MSI1: variants seen among roughly 807,000 people sequenced by gnomAD.
The protein encoded by MSI1 is RNA-binding protein Musashi homolog 1.
Under a neutral mutation model 54.4 loss-of-function variants are expected in MSI1, and 15 were observed. The observed-to-expected ratio is 0.28, with a 90% CI of 0.18 to 0.42. The LOEUF (loss-of-function observed/expected upper bound fraction) is 0.42, where lower values mean the gene tolerates loss of function less well. Ranked by LOEUF, MSI1 falls within the 20% of genes least tolerant of loss-of-function variation. The pLI, the probability that MSI1 is intolerant of heterozygous loss-of-function variation, is 1.00. For missense variants in MSI1, 304 were observed against 506.0 expected (o/e 0.60, Z 3.83); for synonymous variants, 200 against 196.5 (o/e 1.02, Z -0.15).
At chr12:120,354,415 G>T (rs1436002142) in intron 9 of MSI1, among the ~76,000 whole-genome samples, 3 of 147,684 alleles carry the variant, frequency 2.0e-5, no homozygotes, top group African/African-American at 7.5e-5. Context: ...CTCACTATTT[G>T]TTAGATAATT....
intron 7 of MSI1, among the ~76,000 whole-genome samples, chr12:120,358,625 G>T (rs1290866459): frequency 1.3e-5 from 2 of 152,194 alleles, no homozygotes; most frequent in Non-Finnish European, 2.9e-5. Context: ...CGGGGCTGGG[G>T]GCTGGGGGCT....
In MSI1 at chr12:120,368,320, T is replaced by TCC. The variant is rs761498886; in HGVS notation, c.101-49_101-48dup. ...CGGACCAGCCCGGGCCCCGCGCCCT[T>TCC]CCCCCCCCCCCGTCCTTTGCCCCCG... On this transcript the variant is annotated intron_variant, in intron 2 of 14. Transcript: ENST00000257552. This position sits in a 1 kb window ranked among gnomAD's most constrained non-coding sequence, Gnocchi z 6.6. The TCC allele has an allele frequency of 2.8e-5, 35 of 1,249,278 alleles. No individual in the cohort carries two copies. The highest frequency in any genetic ancestry group is 1.5e-4 in the East Asian group (5 of 32,532). The allele number at this position is 1,249,278 out of a possible 1,614,324, so 77.4% of individuals were successfully genotyped here. A position where few individuals can be genotyped will look rare whatever the true frequency, so the allele number is the denominator to read the frequency against.
intron 5 of MSI1, among the ~76,000 whole-genome samples, chr12:120,364,413 C>A (rs1488090672): frequency 6.6e-6 from 1 of 152,120 alleles, no homozygotes; most frequent in Admixed American, 6.6e-5. Context: ...TGGAATTAGA[C>A]TCAGGCTCCA....
intron 8 of MSI1, 137 bp from the exon 9 acceptor site, chr12:120,357,156 G>A: frequency 9.1e-6 from 7 of 767,392 alleles, no homozygotes; most frequent in South Asian, 6.6e-5. Context: ...CACTGATGGA[G>A]CACTCACTAT....
intron 4 of MSI1, among the ~76,000 whole-genome samples, chr12:120,367,616 C>T (rs1412998726): frequency 1.3e-5 from 2 of 151,974 alleles, no homozygotes; most frequent in Non-Finnish European, 2.9e-5. Flanking sequence ...GTCGCAGAGC[C>T]AAATACTAGT....
Position 120,346,266 on chromosome 12 carries a change from C to A in MSI1, c.916G>T (p.Gly306Cys). The A allele has an allele frequency of 6.3e-7, 1 of 1,591,786 alleles. No individual in the cohort carries two copies. The highest frequency in any genetic ancestry group is 1.1e-5 in the South Asian group (1 of 87,456). Residue 306 changes from glycine to cysteine, a missense_variant, in exon 13 of 15, where the codon GGC becomes TGC. Physicochemically the swap from Gly to Cys is radical, Grantham distance 159 (BLOSUM62 -3). This residue lies in a region of MSI1 where 147 missense variants were observed against 231.5 expected (regional missense o/e 0.64). Coordinates refer to ENST00000257552, the MANE Select transcript of MSI1 (RefSeq NM_002442.4). ...PPGSTPSRTG[G>C]FLGTTSPGPM... ...CCGGGGCTGGTGGTCCCCAGGAAGC[C>A]CCCTGTGCGGCTGGGAGTCGAACCT...
chr12:120,362,653 G>A (rs541246807), intron 6 of MSI1, among the ~76,000 whole-genome samples: 1 of 152,284 alleles, frequency 6.6e-6, no homozygotes, highest in African/African-American at 2.4e-5. Flanking sequence ...TATCATCCTC[G>A]CCTGGAAGGA....
intron 11 of MSI1, among the ~76,000 whole-genome samples, chr12:120,349,832 G>A (rs1874441605): frequency 6.6e-6 from 1 of 152,206 alleles, no homozygotes; most frequent in African/African-American, 2.4e-5. Context: ...GGGCTCTGAG[G>A]TCTGTTGTTT....
chr12:120,351,707 CTCTCT>C (rs1265123902), intron 10 of MSI1, among the ~76,000 whole-genome samples: 1 of 127,024 alleles, frequency 7.9e-6, no homozygotes, highest in East Asian at 2.2e-4. Flanking sequence ...TTCTTTCTTT[CTCTCT>C]TTTTTTTTTT....
chr12:120,352,766 C>G (rs914448562), intron 10 of MSI1, among the ~76,000 whole-genome samples: 9 of 151,522 alleles, frequency 5.9e-5, no homozygotes, highest in South Asian at 2.1e-4. Context: ...AAGTCCAGAA[C>G]TGGGCTTCCT....
intron 12 of MSI1, among the ~76,000 whole-genome samples, chr12:120,347,196 C>T (rs1412625233): frequency 1.3e-5 from 2 of 152,164 alleles, no homozygotes; most frequent in African/African-American, 2.4e-5. Context: ...GTGATCTGCC[C>T]ACCTTGGCCT....
downstream of MSI1, among the ~76,000 whole-genome samples, chr12:120,340,940 C>T (rs1386319482): frequency 1.4e-5 from 2 of 140,596 alleles, no homozygotes; most frequent in African/African-American, 2.6e-5. Flanking sequence ...GGCTAGAGTG[C>T]GGTGGCATGA....
chr12:120,364,974 G>A (rs938659636), intron 4 of MSI1, among the ~76,000 whole-genome samples: 7 of 152,096 alleles, frequency 4.6e-5, no homozygotes, highest in African/African-American at 1.7e-4. Flanking sequence ...GCAGTGGCAC[G>A]ATCTCAGCTC....
downstream of MSI1, among the ~76,000 whole-genome samples, chr12:120,340,838 T>C (rs935263248): frequency 6.6e-6 from 1 of 151,690 alleles, no homozygotes. Context: ...GAGGCTCCCA[T>C]GCCATGCACA....
chr12:120,350,692 T>C (rs991668735), intron 11 of MSI1, among the ~76,000 whole-genome samples: 2 of 152,186 alleles, frequency 1.3e-5, no homozygotes, highest in Admixed American at 6.5e-5. Context: ...GCAGCTGAGC[T>C]GGCTGGCCCG....
At chr12:120,352,080 T>C (rs1186230121) in intron 10 of MSI1, among the ~76,000 whole-genome samples, 1 of 148,806 alleles carries the variant, frequency 6.7e-6, no homozygotes, top group African/African-American at 2.5e-5. Flanking sequence ...TGCAGTGGCA[T>C]GAACACAGCT....
In MSI1 at chr12:120,353,393, G is replaced by A; in HGVS notation, c.653-14C>T. 1 of 1,613,772 alleles carries A rather than the reference G, an allele frequency of 6.2e-7. No homozygotes were observed. The highest frequency in any genetic ancestry group is 8.5e-7 in the Non-Finnish European group (1 of 1,179,718). On this transcript the variant is annotated splice_polypyrimidine_tract_variant and intron_variant, in intron 9 of 14. Transcript: ENST00000257552. ...AACCTGGGTAACCTGATGGGGCAAG[G>A]GGGCAGTGTCAGATGGCTCATCCAC...
intron 12 of MSI1, among the ~76,000 whole-genome samples, chr12:120,346,973 G>A (rs1286810039): frequency 6.6e-6 from 1 of 151,624 alleles, no homozygotes; most frequent in Non-Finnish European, 1.5e-5. Context: ...TGAGACAGAC[G>A]GAGTCTCACT....
rs950790560 is a variant in MSI1, at chr12:120,348,650, G to A, written c.791-1136C>T. 3.3e-5 allele frequency among the ~76,000 whole-genome samples: 5 copies of A among 151,944 alleles called. No homozygotes were observed. The East Asian group carries it at 7.7e-4, about 24-fold the overall frequency. On this transcript the variant is annotated intron_variant, in intron 11 of 14. Coordinates refer to ENST00000257552, the MANE Select transcript of MSI1 (RefSeq NM_002442.4). ...TGTGATCCCAGCACTTTGGGAGGCC[G>A]AGGCGGGCGGATCACCTGAAGTCGG...
Sources: allele counts gnomAD v4.1 joint callset (sites outside exome capture counted in the v4.1 genomes callset), GRCh38; gene constraint gnomAD v4.1.1; regional missense constraint gnomAD v4.1.1; non-coding constraint Gnocchi (gnomAD v3.1); transcripts MANE v1.5; gene names NCBI Gene and HGNC (gene_info 2026-07-23, HGNC 2026-07-21).